The following NRG3 variants were observed in gnomAD, a reference collection of about 807,000 sequenced individuals.
NRG3 encodes pro-neuregulin-3, membrane-bound isoform.
Under a neutral mutation model 66.9 loss-of-function variants are expected in NRG3, and 31 were observed. That is an observed-to-expected ratio of 0.46 (90% confidence interval 0.35 to 0.63). The LOEUF (loss-of-function observed/expected upper bound fraction) is 0.63. NRG3 is among the 20% of genes least tolerant of loss of function. The pLI is 0.00. For missense variants in NRG3, 910 were observed against 878.9 expected (o/e 1.04, Z -0.45); for synonymous variants, 393 against 359.4 (o/e 1.09, Z -1.06).
At chr10:82,126,445 A>T (rs190585898) in intron 1 of NRG3, among the ~76,000 whole-genome samples, 29 of 152,134 alleles carry the variant, frequency 1.9e-4, no homozygotes, top group Non-Finnish European at 4.1e-4. Context: ...CATTCTAGAC[A>T]ATCTTTTGGC....
chr10:82,509,270 T>G (rs1420342523), intron 2 of NRG3, among the ~76,000 whole-genome samples: 1 of 152,234 alleles, frequency 6.6e-6, no homozygotes. Context: ...TGTTCAGGTT[T>G]GTTATGTAGG....
intron 3 of NRG3, among the ~76,000 whole-genome samples, chr10:82,772,002 G>T (rs757745248): frequency 6.6e-6 from 1 of 152,032 alleles, no homozygotes; most frequent in African/African-American, 2.4e-5. Context: ...TGTCATCTCA[G>T]TTTAAACTCT....
intron 1 of NRG3, among the ~76,000 whole-genome samples, chr10:82,096,151 G>A (rs760444752): frequency 3.9e-5 from 6 of 152,074 alleles, no homozygotes; most frequent in South Asian, 2.1e-4. Context: ...AACCTAAGAC[G>A]GAAGAAAATT....
chr10:82,107,030 G>A (rs1008551039), intron 1 of NRG3, among the ~76,000 whole-genome samples: 1 of 152,156 alleles, frequency 6.6e-6, no homozygotes, highest in Admixed American at 6.5e-5. Context: ...CTAGACATGG[G>A]CACATTATTC....
At chr10:82,866,875 T>C (rs961776304) in intron 4 of NRG3, among the ~76,000 whole-genome samples, 1 of 152,070 alleles carries the variant, frequency 6.6e-6, no homozygotes, top group African/African-American at 2.4e-5. Context: ...GAGGGGGAAA[T>C]AATTTGAAAC....
At chr10:82,144,783 GA>G (rs1332004087) in intron 1 of NRG3, among the ~76,000 whole-genome samples, 1 of 152,098 alleles carries the variant, frequency 6.6e-6, no homozygotes, top group Non-Finnish European at 1.5e-5. Flanking sequence ...AGCTACTCCT[GA>G]ACTTCTGTTT....
chr10:82,084,136 G>A (rs1002772960), intron 1 of NRG3, among the ~76,000 whole-genome samples: 16 of 152,134 alleles, frequency 1.1e-4, no homozygotes, highest in African/African-American at 3.4e-4. Context: ...GCTGAGGCAG[G>A]AGAATTGCTT....
chr10:82,397,156 C>T (rs1393886589), intron 2 of NRG3, among the ~76,000 whole-genome samples: 1 of 152,106 alleles, frequency 6.6e-6, no homozygotes, highest in Non-Finnish European at 1.5e-5. Flanking sequence ...AAATGGTCTC[C>T]CTTTGGCCTC....
At chr10:82,802,147 A>G (rs925732028) in intron 3 of NRG3, among the ~76,000 whole-genome samples, 3 of 152,198 alleles carry the variant, frequency 2.0e-5, no homozygotes, top group Non-Finnish European at 4.4e-5. Context: ...CTTTACTCTA[A>G]TACTTTTGTG....
chr10:82,132,479 G>GATATATATCATATATATATCAT (rs1590227753), intron 1 of NRG3, among the ~76,000 whole-genome samples: 1 of 62,498 alleles, frequency 1.6e-5, no homozygotes, highest in African/African-American at 5.9e-5. Flanking sequence ...ATATATATAT[G>GATATATATCATATATATATCAT]ATATATATAT....
At chr10:81,931,242 A>G (rs1454621939) in intron 1 of NRG3, among the ~76,000 whole-genome samples, 1 of 152,158 alleles carries the variant, frequency 6.6e-6, no homozygotes, top group Non-Finnish European at 1.5e-5. Flanking sequence ...ACCAGCTTCC[A>G]TTCTCAGTCA....
intron 1 of NRG3, among the ~76,000 whole-genome samples, chr10:81,952,436 G>A (rs1333369332): frequency 6.6e-6 from 1 of 151,926 alleles, no homozygotes; most frequent in Non-Finnish European, 1.5e-5. Flanking sequence ...GAAGGCGGCA[G>A]GGGGGTGCGG....
At chr10:82,386,792 T>TTTTA (rs1346668967) in intron 2 of NRG3, among the ~76,000 whole-genome samples, 42 of 152,112 alleles carry the variant, frequency 2.8e-4, no homozygotes, top group Middle Eastern at 3.4e-3. Flanking sequence ...TTTCTCTTCT[T>TTTTA]TTTATTTATT....
intron 1 of NRG3, among the ~76,000 whole-genome samples, chr10:81,924,449 C>G (rs1846572534): frequency 6.6e-6 from 1 of 152,180 alleles, no homozygotes. Flanking sequence ...TCCATGTACC[C>G]TTGGGTGAGC....
At chr10:82,291,958 G>C (rs897197799) in intron 1 of NRG3, among the ~76,000 whole-genome samples, 1 of 152,094 alleles carries the variant, frequency 6.6e-6, no homozygotes, top group African/African-American at 2.4e-5. Context: ...TACATAAAGG[G>C]AAATGTTGAT....
At chr10:82,812,505 A>C (rs1226731892) in intron 3 of NRG3, among the ~76,000 whole-genome samples, 1 of 152,208 alleles carries the variant, frequency 6.6e-6, no homozygotes, top group Non-Finnish European at 1.5e-5. Flanking sequence ...AAAAAATAAT[A>C]CTGCTTCTAT....
chr10:82,196,420 G>A (rs1462046983), intron 1 of NRG3, among the ~76,000 whole-genome samples: 2 of 152,112 alleles, frequency 1.3e-5, no homozygotes, highest in African/African-American at 4.8e-5. Context: ...CTCTTTTGAA[G>A]CACTAGAAAG....
intron 3 of NRG3, among the ~76,000 whole-genome samples, chr10:82,819,002 T>G (rs975742690): frequency 6.6e-6 from 1 of 152,200 alleles, no homozygotes. Flanking sequence ...AAGAAAAAAA[T>G]TTTAATGATT....
chr10:82,551,999 T>C (rs1426531330), intron 2 of NRG3, among the ~76,000 whole-genome samples: 1 of 152,108 alleles, frequency 6.6e-6, no homozygotes, highest in East Asian at 1.9e-4. Flanking sequence ...CCATTCGAAC[T>C]GTAGTTTCCC....
Sources: allele counts gnomAD v4.1 joint callset (sites outside exome capture counted in the v4.1 genomes callset), GRCh38; gene constraint gnomAD v4.1.1; transcripts MANE v1.5; gene names NCBI Gene and HGNC (gene_info 2026-07-23, HGNC 2026-07-21).